The following DAOA variants were observed in gnomAD, a reference collection of about 807,000 sequenced individuals.
The protein encoded by DAOA is D-amino acid oxidase activator, also known as D-amino acid oxidase regulator.
Under a neutral mutation model 16.4 loss-of-function variants are expected in DAOA, and 15 were observed. The ratio of observed to expected loss-of-function variants is 0.91; its 90% CI spans 0.61 to 1.41. The LOEUF is 1.41. DAOA is among the 40% of genes most tolerant of loss of function. The pLI is 0.00. For missense variants in DAOA, 230 were observed against 176.8 expected (o/e 1.30, Z -1.71); for synonymous variants, 75 against 59.1 (o/e 1.27, Z -1.23).
chr13:105,470,400 A>T (rs1390618178), intron 3 of DAOA, among the ~76,000 whole-genome samples: 2 of 152,042 alleles, frequency 1.3e-5, no homozygotes, highest in East Asian at 3.9e-4. Context: ...AAATGCCCTG[A>T]TACCATGCCT....
At chr13:105,487,714 T>A (rs985148689) in intron 4 of DAOA, among the ~76,000 whole-genome samples, 23 of 152,292 alleles carry the variant, frequency 1.5e-4, no homozygotes, top group Non-Finnish European at 2.9e-4. Flanking sequence ...TACATACTAT[T>A]TTAAAATAAA....
chr13:105,472,727 C>T, intron 4 of DAOA, 42 bp downstream of exon 4: 2 of 1,560,516 alleles, frequency 1.3e-6, no homozygotes, highest in South Asian at 2.4e-5. Context: ...CAGGAGAAAG[C>T]TAAATGCTAA....
intron 3 of DAOA, among the ~76,000 whole-genome samples, chr13:105,470,051 C>A (rs1445911279): frequency 1.3e-5 from 2 of 149,168 alleles, no homozygotes; most frequent in Non-Finnish European, 3.0e-5. Context: ...AAAATTTGAT[C>A]TACTTTTTTT....
chr13:105,471,996 C>G (rs1876985752), intron 3 of DAOA, among the ~76,000 whole-genome samples: 1 of 152,130 alleles, frequency 6.6e-6, no homozygotes, highest in South Asian at 2.1e-4. Context: ...TTATTTAACC[C>G]TATCTAAGAA....
intron 4 of DAOA, among the ~76,000 whole-genome samples, chr13:105,488,052 A>T (rs1364257812): frequency 6.6e-6 from 1 of 152,188 alleles, no homozygotes; most frequent in East Asian, 1.9e-4. Flanking sequence ...GCTTAAAAGC[A>T]CGGGAACTTA....
rs1182996724 is a variant in DAOA at position 105,472,597 on chromosome 13, C to A, written c.193C>A (p.His65Asn). ...VTRKEGWKRR[H>N]EDGYLEMAQR... is the part of the protein sequence containing the mutation. ...AAGGAAAGAAGGATGGAAGAGAAGG[C>A]ATGAGGACGGCTATTTGGAAATGGC... The change falls in exon 4 of 6, where the codon CAT (histidine) becomes AAT (asparagine). Residue 65 changes from histidine (H) to asparagine (N), a missense_variant. Coordinates refer to ENST00000375936, the MANE Select transcript of DAOA (RefSeq NM_172370.5). The A allele has an allele frequency of 2.5e-6, 4 of 1,613,872 alleles. No individual in the cohort carries two copies. Among genetic ancestry groups the A allele is most frequent in the Non-Finnish European group, 3.4e-6 (4 of 1,179,966 alleles).
rs1351575813 is a variant in DAOA at position 105,483,131 on chromosome 13, A to G, written c.282-6770A>G. Among the ~76,000 whole-genome samples the G allele has an allele frequency of 4.6e-5, 7 of 152,262 alleles. No individual in the cohort carries two copies. The East Asian group carries it at 1.4e-3, about 29-fold the overall frequency. On this transcript the variant is annotated intron_variant, in intron 4 of 5. Transcript: ENST00000375936. ...GCATTTACTGGAGTAAGGTATAAAC[A>G]GGATGGCACAGTGTTTGCTCTATTT...
intron 4 of DAOA, among the ~76,000 whole-genome samples, chr13:105,485,908 G>C (rs952186756): frequency 6.6e-6 from 1 of 152,110 alleles, no homozygotes; most frequent in Non-Finnish European, 1.5e-5. Context: ...TCCCAAACTG[G>C]GAGAGAATAG....
chr13:105,489,717 C>A, intron 4 of DAOA, 184 bp from the exon 5 acceptor site: 3 of 1,365,028 alleles, frequency 2.2e-6, no homozygotes, highest in South Asian at 2.9e-5. Flanking sequence ...GCAGTTAGAC[C>A]CTAAGTGACC....
intron 4 of DAOA, among the ~76,000 whole-genome samples, chr13:105,473,096 G>A (rs549676579): frequency 2.6e-5 from 4 of 151,950 alleles, no homozygotes; most frequent in Non-Finnish European, 5.9e-5. Flanking sequence ...AAATAAGCCT[G>A]CCCATACACA....
At chr13:105,480,069 T>C (rs572428336) in intron 4 of DAOA, among the ~76,000 whole-genome samples, 9 of 152,190 alleles carry the variant, frequency 5.9e-5, no homozygotes, top group Non-Finnish European at 1.2e-4. Flanking sequence ...ATAGGTCATT[T>C]TTCAATGACA....
chr13:105,489,447 A>G lies in DAOA; in HGVS notation c.282-454A>G, dbSNP rs575669331. Among the ~76,000 whole-genome samples the G allele has an allele frequency of 2.0e-5, 3 of 152,350 alleles. No individual in the cohort carries two copies. In the East Asian group the frequency reaches 5.8e-4, roughly 29 times the overall value. On this transcript the variant is annotated intron_variant, in intron 4 of 5. Transcript: ENST00000375936. ...GTCTGCTGGGCTTTTCTGTTAGATC[A>G]TATTCCAGGAATTGTTTTGCAGAGA...
intron 4 of DAOA, among the ~76,000 whole-genome samples, chr13:105,485,217 C>T (rs1163611759): frequency 1.3e-5 from 2 of 152,164 alleles, no homozygotes; most frequent in Non-Finnish European, 2.9e-5. Flanking sequence ...ACTCAAATCT[C>T]TCATTTGAAT....
chr13:105,468,008 T>C (rs1379598278), intron 3 of DAOA, among the ~76,000 whole-genome samples: 23 of 152,180 alleles, frequency 1.5e-4, no homozygotes, highest in Admixed American at 1.5e-3. Flanking sequence ...TCCATTCTCT[T>C]GCCTGCCCCA....
chr13:105,468,252 C>G (rs1876675897), intron 3 of DAOA, among the ~76,000 whole-genome samples: 1 of 152,142 alleles, frequency 6.6e-6, no homozygotes, highest in South Asian at 2.1e-4. Context: ...CCCTTTGTTA[C>G]ACAAGATTCC....
intron 3 of DAOA, chr13:105,467,583 CTT>C (rs71114923): frequency 1.5e-4 from 21 of 137,256 alleles, no homozygotes; most frequent in African/African-American, 4.0e-4. Context: ...AATTCTTTTT[CTT>C]TTTTTTTTTT....
rs1876499295 is a variant in DAOA, at chr13:105,466,232, G to A, written c.-57G>A. On this transcript the variant is annotated 5_prime_UTR_variant, in exon 2 of 6. The change abolishes an upstream ATG in the 5' untranslated region. Coordinates refer to ENST00000375936, the MANE Select transcript of DAOA (RefSeq NM_172370.5). Reference sequence around the variant, plus strand: ...TTGGTCCAGGATTTGGAAAGGGCATGGCAGGAGGTCTCATCTCTGCTTCAC... The same window carrying A: ...TTGGTCCAGGATTTGGAAAGGGCATAGCAGGAGGTCTCATCTCTGCTTCAC... 4.3e-6 allele frequency: 7 copies of A among 1,612,116 alleles called. No individual in the cohort carries two copies. Among genetic ancestry groups the A allele is most frequent in the Non-Finnish European group, 5.1e-6 (6 of 1,179,006 alleles).
At chr13:105,490,890 T>C (rs72549501) in intron 5 of DAOA, 22 bp from the exon 6 acceptor site, 157 of 152,222 alleles carry the variant, frequency 1.0e-3, no homozygotes, top group African/African-American at 3.4e-3. Flanking sequence ...TTCTTATTAT[T>C]GTTTTGTTTC....
rs148956122 is a variant in DAOA at position 105,480,523 on chromosome 13, GATAC to G, written c.281+7842_281+7845del. Among the ~76,000 whole-genome samples, 221 of 135,918 alleles carry G rather than the reference GATAC, an allele frequency of 1.6e-3. 1 individual carries two copies. The highest frequency in any genetic ancestry group is 5.7e-3 in the African/African-American group (202 of 35,722). 89.2% of individuals were successfully genotyped at this position (135,918 alleles called of 152,430 possible). On this transcript the variant is annotated intron_variant, in intron 4 of 5. Coordinates refer to ENST00000375936, the MANE Select transcript of DAOA (RefSeq NM_172370.5). ...ACATAGATGGATGGATGGATGGATA[GATAC>G]ATAGATAGATAGATAGATAGATAGA...
Sources: allele counts gnomAD v4.1 joint callset (sites outside exome capture counted in the v4.1 genomes callset), GRCh38; gene constraint gnomAD v4.1.1; transcripts MANE v1.5; gene names NCBI Gene and HGNC (gene_info 2026-07-23, HGNC 2026-07-21).